The following IQGAP2 variants were observed in gnomAD, a reference collection of about 807,000 sequenced individuals.
IQGAP2 encodes IQ motif containing GTPase activating protein 2.
IQGAP2 carries 173 observed loss-of-function variants against 201.3 expected under a neutral mutation model. The observed-to-expected ratio is 0.86, with a 90% CI of 0.76 to 0.98. The LOEUF is 0.98. Among genes scored for constraint, IQGAP2 ranks in the 50% least tolerant of loss-of-function variants. The pLI is 0.00. For synonymous variants in IQGAP2, 675 were observed against 673.9 expected (o/e 1.00, Z -0.03); for missense variants, 1,687 against 1,864.8 (o/e 0.90, Z 1.76).
chr5:76,454,913 T>C (rs1753982376), intron 1 of IQGAP2, among the ~76,000 whole-genome samples: 1 of 152,170 alleles, frequency 6.6e-6, no homozygotes, highest in African/African-American at 2.4e-5. Context: ...CCACCAACAG[T>C]GTAAAAGTGT....
At chr5:76,585,108 A>G (rs1746147429) in intron 5 of IQGAP2, among the ~76,000 whole-genome samples, 1 of 152,196 alleles carries the variant, frequency 6.6e-6, no homozygotes, top group Non-Finnish European at 1.5e-5. Context: ...ATGAATCTAA[A>G]ATTCTAAATT....
intron 11 of IQGAP2, among the ~76,000 whole-genome samples, chr5:76,603,871 C>G (rs1451228225): frequency 6.6e-6 from 1 of 152,116 alleles, no homozygotes; most frequent in Admixed American, 6.6e-5. Context: ...GGACATTGAC[C>G]TGTTTGGGGA....
At chr5:76,536,380 A>G (rs1759623365) in intron 2 of IQGAP2, among the ~76,000 whole-genome samples, 2 of 151,824 alleles carry the variant, frequency 1.3e-5, no homozygotes, top group South Asian at 4.2e-4. Context: ...TTCCAGGAGC[A>G]TATTCTTAAA....
intron 17 of IQGAP2, among the ~76,000 whole-genome samples, chr5:76,651,589 A>G (rs1391542909): frequency 6.6e-6 from 1 of 152,078 alleles, no homozygotes; most frequent in Non-Finnish European, 1.5e-5. Flanking sequence ...GGACAAAATG[A>G]GACCCTGTCT....
intron 13 of IQGAP2, among the ~76,000 whole-genome samples, chr5:76,614,625 T>C (rs2150348815): frequency 7.2e-6 from 1 of 138,940 alleles, no homozygotes; most frequent in South Asian, 2.5e-4. Context: ...TTTTTTTTTT[T>C]TTTTTTTGGA....
Position 76,611,144 on chromosome 5 carries a change from C to T in IQGAP2, c.1482C>T (p.Tyr494=), listed in dbSNP as rs988747300. The change falls in exon 13 of 36, where the codon TAC becomes TAT. Residue 494 remains tyrosine, a synonymous_variant. Transcript: ENST00000274364. ...SDVDPAHAQH[Y]QDVLYHAKSQ... Reference sequence around the variant, plus strand: ...TGGACCCAGCCCATGCCCAGCACTACCAGGATGTTTTATACCATGCTAAAT... The same window carrying T: ...TGGACCCAGCCCATGCCCAGCACTATCAGGATGTTTTATACCATGCTAAAT... 10 of 1,613,690 alleles carry T rather than the reference C, an allele frequency of 6.2e-6. No homozygotes were observed. Among genetic ancestry groups the T allele is most frequent in the South Asian group, 1.1e-5 (1 of 91,016 alleles).
intron 2 of IQGAP2, among the ~76,000 whole-genome samples, chr5:76,466,682 C>T (rs1256080740): frequency 6.6e-6 from 1 of 152,152 alleles, no homozygotes; most frequent in Non-Finnish European, 1.5e-5. Context: ...CTCTGCCTCA[C>T]ACCGTATACA....
chr5:76,613,560 A>T (rs1340376113), intron 13 of IQGAP2, among the ~76,000 whole-genome samples: 3 of 152,176 alleles, frequency 2.0e-5, no homozygotes, highest in Non-Finnish European at 4.4e-5. Flanking sequence ...AATGAAGAAT[A>T]TGTGCACGTG....
At chr5:76,602,814 AGTGCAG>A (rs1282218232) in intron 11 of IQGAP2, among the ~76,000 whole-genome samples, 1 of 152,154 alleles carries the variant, frequency 6.6e-6, no homozygotes, top group African/African-American at 2.4e-5. Context: ...CTCCCCATAG[AGTGCAG>A]GTTCTTCATA....
chr5:76,434,169 C>T (rs1219370674), intron 1 of IQGAP2, among the ~76,000 whole-genome samples: 1 of 152,006 alleles, frequency 6.6e-6, no homozygotes, highest in Non-Finnish European at 1.5e-5. Context: ...TTTTGAGGAC[C>T]AAGTTTAAGG....
intron 2 of IQGAP2, among the ~76,000 whole-genome samples, chr5:76,558,484 G>A (rs750428321): frequency 1.3e-5 from 2 of 152,144 alleles, no homozygotes; most frequent in Non-Finnish European, 2.9e-5. Flanking sequence ...TAGAAACTTG[G>A]TCTAGAGCAG....
chr5:76,645,896 A>T (rs753574076), intron 17 of IQGAP2, among the ~76,000 whole-genome samples: 10 of 152,036 alleles, frequency 6.6e-5, no homozygotes, highest in Non-Finnish European at 1.5e-4. Flanking sequence ...AATATTAAAT[A>T]ATCTGTTACT....
chr5:76,669,998 T>C (rs546748607), intron 23 of IQGAP2, among the ~76,000 whole-genome samples: 6 of 152,236 alleles, frequency 3.9e-5, no homozygotes, highest in African/African-American at 1.4e-4. Flanking sequence ...AATTTTTGTA[T>C]TTTTAGTAGA....
rs939147621 is a variant in IQGAP2, at chr5:76,623,363, C to T, written c.1522-4047C>T. The T allele has an allele frequency of 1.8e-5, 19 of 1,042,518 alleles. 1 individual carries two copies. In the African/African-American group the frequency reaches 2.1e-4, roughly 11 times the overall value. 64.6% of individuals were successfully genotyped at this position (1,042,518 alleles called of 1,614,324 possible). A position where few individuals can be genotyped will look rare whatever the true frequency, so the allele number is the denominator to read the frequency against. ...TCTGTAGAAGTTTGCTCTCCTGTGC[C>T]GTGCAGGCAGGAAACTTGCCCTGGT... On this transcript the variant is annotated intron_variant, in intron 13 of 35. Coordinates refer to ENST00000274364, the MANE Select transcript of IQGAP2 (RefSeq NM_006633.5).
At chr5:76,469,490 T>C (rs1324420024) in intron 2 of IQGAP2, among the ~76,000 whole-genome samples, 1 of 151,848 alleles carries the variant, frequency 6.6e-6, no homozygotes, top group Non-Finnish European at 1.5e-5. Flanking sequence ...AACCTCCACC[T>C]CCTGGGTTCA....
rs201182416 is a variant in IQGAP2 at position 76,665,192 on chromosome 5, G to T, written c.2679+17G>T. 1.2e-6 allele frequency: 2 copies of T among 1,607,164 alleles called. No homozygotes were observed. Among genetic ancestry groups the T allele is most frequent in the African/African-American group, 2.7e-5 (2 of 74,532 alleles). ...CTTTTACAGGTGAGAACAATTTATC[G>T]TTCACTCTGAGTTTGGGAGTAATAC... On this transcript the variant is annotated intron_variant, in intron 22 of 35. Coordinates refer to ENST00000274364, the MANE Select transcript of IQGAP2 (RefSeq NM_006633.5).
chr5:76,567,728 T>C (rs1286471671), intron 3 of IQGAP2, among the ~76,000 whole-genome samples: 1 of 152,150 alleles, frequency 6.6e-6, no homozygotes, highest in Non-Finnish European at 1.5e-5. Flanking sequence ...AATAAGCAAA[T>C]TTGGATAATG....
At chr5:76,690,047 A>C (rs540658264) in intron 30 of IQGAP2, among the ~76,000 whole-genome samples, 1 of 152,306 alleles carries the variant, frequency 6.6e-6, no homozygotes, top group South Asian at 2.1e-4. Flanking sequence ...CTTTTTCAAA[A>C]TTAGATACCT....
intron 1 of IQGAP2, among the ~76,000 whole-genome samples, chr5:76,418,024 T>C (rs1312559320): frequency 8.6e-5 from 13 of 151,394 alleles, no homozygotes; most frequent in Admixed American, 8.6e-4. Flanking sequence ...CTGACCAACA[T>C]GGTGAACCCC....
Sources: gnomAD v4.1 joint callset for allele counts (sites outside exome capture counted in the v4.1 genomes callset) on GRCh38, gnomAD v4.1.1 for gene constraint, MANE v1.5 for transcripts, NCBI Gene and HGNC (gene_info 2026-07-23, HGNC 2026-07-21) for gene names.